The following MINPP1 variants were observed in gnomAD, a reference collection of about 807,000 sequenced individuals.
The protein encoded by MINPP1 is multiple inositol-polyphosphate phosphatase 1, also known as multiple inositol polyphosphate phosphatase 1.
A neutral mutation model predicts 46.1 loss-of-function variants in MINPP1; 28 were observed. That is an observed-to-expected ratio of 0.61 (90% confidence interval 0.45 to 0.83). The LOEUF (loss-of-function observed/expected upper bound fraction) is 0.83, where lower values mean the gene tolerates loss of function less well. Ranked by LOEUF, MINPP1 falls within the 40% of genes least tolerant of loss-of-function variation. MINPP1 has a pLI of 0.00. For synonymous variants in MINPP1, 268 were observed against 249.1 expected (o/e 1.08, Z -0.72); for missense variants, 603 against 610.0 (o/e 0.99, Z 0.12).
At chr10:87,545,742 G>A (rs1851877994) in intron 4 of MINPP1, among the ~76,000 whole-genome samples, 3 of 152,010 alleles carry the variant, frequency 2.0e-5, no homozygotes, top group African/African-American at 7.2e-5. Flanking sequence ...AGATCACATC[G>A]AGTCTGGATA....
At chr10:87,509,616 A>G (rs11202427) in intron 2 of MINPP1, 20,546 of 212,822 alleles carry the variant, frequency 0.097, 2,411 homozygotes, top group East Asian at 0.31. Context: ...CCTGGATCCC[A>G]TTCTTCTTCC....
intron 4 of MINPP1, among the ~76,000 whole-genome samples, chr10:87,550,394 T>C (rs951786819): frequency 6.6e-6 from 1 of 152,202 alleles, no homozygotes; most frequent in Admixed American, 6.5e-5. Context: ...TAAGCGCCTG[T>C]TGATGAATGG....
At chr10:87,525,920 G>A (rs1241680944) in intron 4 of MINPP1, among the ~76,000 whole-genome samples, 9 of 152,222 alleles carry the variant, frequency 5.9e-5, no homozygotes, top group African/African-American at 2.2e-4. Flanking sequence ...ATTCCATGGT[G>A]TATAAGTGCC....
chr10:87,509,654 G>T (rs1851306833), intron 2 of MINPP1: 1 of 256,086 alleles, frequency 3.9e-6, no homozygotes, highest in Admixed American at 4.6e-5. Context: ...TTGTTGTCAT[G>T]AATTGAGCAT....
chr10:87,536,725 T>A (rs1341293957), intron 4 of MINPP1, among the ~76,000 whole-genome samples: 1 of 152,344 alleles, frequency 6.6e-6, no homozygotes, highest in East Asian at 1.9e-4. Context: ...TGCTGATGAA[T>A]CTAATAGTTC....
intron 4 of MINPP1, among the ~76,000 whole-genome samples, chr10:87,530,086 A>G (rs1231232684): frequency 6.6e-6 from 1 of 152,070 alleles, no homozygotes; most frequent in Non-Finnish European, 1.5e-5. Context: ...TAGGCTGTTT[A>G]TTCTAGTTAA....
At chr10:87,515,106 G>A (rs762630459) in intron 3 of MINPP1, among the ~76,000 whole-genome samples, 6 of 151,972 alleles carry the variant, frequency 3.9e-5, no homozygotes, top group Non-Finnish European at 8.8e-5. Flanking sequence ...GAACTTCTTG[G>A]CCGGGCGTGG....
intron 4 of MINPP1, among the ~76,000 whole-genome samples, chr10:87,537,515 G>C (rs528443851): frequency 0.39 from 48,452 of 124,524 alleles, 8,999 homozygotes; most frequent in Non-Finnish European, 0.52. Flanking sequence ...TACTGTTTGT[G>C]TGTGTGTGTG....
At position 87,505,422 on chromosome 10, in the gene MINPP1, C is replaced by T; in HGVS notation, c.507C>T (p.Phe169=). ...TGGCCTCGCTCTTCCCGGCCCTTTT[C>T]AGCCGTGAGAACTACGGCCGCCTGC... ...LRLASLFPAL[F]SRENYGRLRL... The change falls in exon 1 of 5, where the codon TTC becomes TTT. Residue 169 remains phenylalanine (F), a synonymous_variant. Transcript: ENST00000371996. This position sits in a 1 kb window ranked among gnomAD's most constrained non-coding sequence, Gnocchi z 4.4. The T allele has an allele frequency of 3.1e-6, 5 of 1,613,802 alleles. No homozygotes were observed. The highest frequency in any genetic ancestry group is 1.1e-5 in the South Asian group (1 of 91,076).
chr10:87,549,752 C>T (rs1851936870), intron 4 of MINPP1, among the ~76,000 whole-genome samples: 2 of 152,104 alleles, frequency 1.3e-5, no homozygotes, highest in Non-Finnish European at 2.9e-5. Flanking sequence ...TCCTCCCTGA[C>T]CTGTTTTGTG....
intron 4 of MINPP1, among the ~76,000 whole-genome samples, chr10:87,550,189 C>T (rs188997191): frequency 3.9e-5 from 6 of 152,258 alleles, no homozygotes; most frequent in Non-Finnish European, 8.8e-5. Flanking sequence ...GAATCTTAAA[C>T]CTCTCAATTT....
intron 4 of MINPP1, among the ~76,000 whole-genome samples, chr10:87,529,770 G>T (rs1851631079): frequency 6.6e-6 from 1 of 152,186 alleles, no homozygotes; most frequent in African/African-American, 2.4e-5. Context: ...GGTTGGGGAA[G>T]TTCTCCTGGA....
intron 4 of MINPP1, among the ~76,000 whole-genome samples, chr10:87,550,967 C>T (rs185668462): frequency 4.6e-5 from 7 of 152,176 alleles, no homozygotes; most frequent in Non-Finnish European, 4.4e-5. Flanking sequence ...TCACACACAG[C>T]GCTTCCAGTG....
rs1191976517 is a variant in MINPP1, at chr10:87,505,890, C to G, written c.637+338C>G. ...GCTCCCGTTCCCAAACTGAATTGCC[C>G]CTTCGAGCGCCAACCCATCCCTTCC... On this transcript the variant is annotated intron_variant, in intron 1 of 4. Transcript: ENST00000371996. This position sits in a 1 kb window ranked among gnomAD's most constrained non-coding sequence, Gnocchi z 4.4. 6.6e-6 allele frequency among the ~76,000 whole-genome samples: 1 copy of G among 152,124 alleles called. No homozygotes were observed. The highest frequency in any genetic ancestry group is 1.5e-5 in the Non-Finnish European group (1 of 68,024).
In MINPP1 at chr10:87,535,277, T is replaced by C. The variant is rs1022210417; in HGVS notation, c.1067+14108T>C. ...ATCTTTAAAATTCAGGTAATACTCA[T>C]GTTTCAAGGTGTTGAGAAGGTTGAG... On this transcript the variant is annotated intron_variant, in intron 4 of 4. Transcript: ENST00000371996. 3.3e-5 allele frequency among the ~76,000 whole-genome samples: 5 copies of C among 152,260 alleles called. No homozygotes were observed. In the South Asian group the frequency reaches 6.2e-4, roughly 19 times the overall value.
intron 4 of MINPP1, among the ~76,000 whole-genome samples, chr10:87,543,259 G>T (rs1317443576): frequency 6.6e-6 from 1 of 152,190 alleles, no homozygotes. Flanking sequence ...GAAGCAGAGT[G>T]TAAAAGTTTG....
rs776810744 is a variant in MINPP1, at chr10:87,504,936, C to T, written c.21C>T (p.Cys7=). 2.4e-5 allele frequency: 39 copies of T among 1,611,162 alleles called. No homozygotes were observed. The highest frequency in any genetic ancestry group is 1.4e-4 in the South Asian group (13 of 90,882). The change falls in exon 1 of 5, where the codon TGC becomes TGT. Residue 7 remains cysteine, a synonymous_variant. Coordinates refer to ENST00000371996, the MANE Select transcript of MINPP1 (RefSeq NM_004897.5). MLRAPG[C]LLRTSVAPAA... ...CGACGATGCTACGCGCGCCCGGCTG[C>T]CTCCTCCGGACCTCCGTAGCGCCTG...
At chr10:87,508,664 G>C in intron 2 of MINPP1, 131 bp downstream of exon 2, 1 of 906,566 alleles carries the variant, frequency 1.1e-6, no homozygotes, top group Non-Finnish European at 1.7e-6. Flanking sequence ...AATATGTTCT[G>C]GGTCAAAAAA....
intron 4 of MINPP1, among the ~76,000 whole-genome samples, chr10:87,542,413 C>T (rs773614172): frequency 6.6e-6 from 1 of 152,086 alleles, no homozygotes; most frequent in Admixed American, 6.6e-5. Context: ...CATCCTCCCA[C>T]CTCACCCTCC....
Sources: allele counts gnomAD v4.1 joint callset (sites outside exome capture counted in the v4.1 genomes callset), GRCh38; gene constraint gnomAD v4.1.1; non-coding constraint Gnocchi (gnomAD v3.1); transcripts MANE v1.5; gene names NCBI Gene and HGNC (gene_info 2026-07-23, HGNC 2026-07-21).